Variants in KLK7 observed in about 807,000 individuals in gnomAD.
The protein encoded by KLK7 is kallikrein-7.
Under a neutral mutation model 21.0 loss-of-function variants are expected in KLK7, and 17 were observed. That is an observed-to-expected ratio of 0.81 (90% CI 0.55 to 1.21). KLK7 has a LOEUF of 1.21. Ranked by LOEUF, KLK7 falls within the 50% of genes most tolerant of loss-of-function variation. The probability of loss-of-function intolerance (pLI) is 0.00; values close to 1 mark genes in which losing one functional copy is unlikely to be tolerated. For synonymous variants in KLK7, 151 were observed against 134.6 expected (o/e 1.12, Z -0.85); for missense variants, 330 against 322.8 (o/e 1.02, Z -0.17).
At position 50,981,754 on chromosome 19, in the gene KLK7, G is replaced by C; in HGVS notation, c.221+13C>G. ...GCTGGTGCACCTCCAGCAGAGACTT[G>C]GGCGGCACCTACTTCATCTTGCAGT... On this transcript the variant is annotated intron_variant, in intron 3 of 5. Transcript: ENST00000595820. 1 of 1,558,340 alleles carries C rather than the reference G, an allele frequency of 6.4e-7. No individual in the cohort carries two copies. Among genetic ancestry groups the C allele is most frequent in the Non-Finnish European group, 8.7e-7 (1 of 1,150,960 alleles).
chr19:50,978,090 T>C (rs2091050185), intron 5 of KLK7, among the ~76,000 whole-genome samples: 1 of 152,196 alleles, frequency 6.6e-6, no homozygotes, highest in Non-Finnish European at 1.5e-5. Context: ...AGTTACATAA[T>C]TTACAGGACT....
chr19:50,981,943 G>A, intron 2 of KLK7, 29 bp from the exon 3 acceptor site: 4 of 1,609,582 alleles, frequency 2.5e-6, no homozygotes, highest in Non-Finnish European at 3.4e-6. Flanking sequence ...GAGCACGTGG[G>A]TAGCTAGCAT....
At chr19:50,981,693 A>G in intron 3 of KLK7, 74 bp downstream of exon 3, 3 of 1,390,528 alleles carry the variant, frequency 2.2e-6, no homozygotes, top group Non-Finnish European at 2.9e-6. Context: ...TAGGCACAGA[A>G]AGACTGCCCT....
rs373769129 is a variant in KLK7, at chr19:50,982,416, G to A, written c.-17C>T. On this transcript the variant is annotated 5_prime_UTR_variant, in exon 2 of 6. Transcript: ENST00000595820. ...TCTTGCCATGGTGCCCTGCTGAGCC[G>A]CTCAGGGGCTGCCAGGCGAGGAAGG... The A allele has an allele frequency of 1.7e-5, 27 of 1,599,402 alleles. No individual in the cohort carries two copies. The highest frequency in any genetic ancestry group is 1.7e-4 in the Middle Eastern group (1 of 6,014).
intron 3 of KLK7, among the ~76,000 whole-genome samples, 185 bp from the exon 4 acceptor site, chr19:50,980,672 C>T (rs1221408215): frequency 2.5e-5 from 2 of 78,768 alleles, no homozygotes; most frequent in Non-Finnish European, 4.8e-5. Flanking sequence ...GGGGACAGAG[C>T]CCCAGAGAGA....
At chr19:50,982,298 G>A (rs1402380889) in intron 2 of KLK7, 29 bp downstream of exon 2, 1 of 1,602,156 alleles carries the variant, frequency 6.2e-7, no homozygotes, top group Non-Finnish European at 8.5e-7. Context: ...GCCCTGAGGT[G>A]AGGTCAGACT....
chr19:50,977,683 TGAGTCACCCTAGAGGGAATAGAGCCG>T lies in KLK7; in HGVS notation c.607-18_614del, dbSNP rs1236358800. 3.1e-6 allele frequency: 5 copies of T among 1,612,816 alleles called. No homozygotes were observed. The South Asian group carries it at 5.5e-5, about 18-fold the overall frequency. ...TACCTCTGCACACCAACGGTCCCCC[TGAGTCACCCTAGAGGGAATAGAGCCG>T]GAGATTAACTTTGGCTTCAGATCAA... On this transcript the variant is annotated splice_acceptor_variant and splice_polypyrimidine_tract_variant and coding_sequence_variant and intron_variant, in exon 6 of 6. Coordinates refer to ENST00000595820, the MANE Select transcript of KLK7 (RefSeq NM_005046.4). LOFTEE classifies it high-confidence loss of function.
chr19:50,979,602 A>G (rs1418079985), intron 5 of KLK7, among the ~76,000 whole-genome samples, 186 bp downstream of exon 5: 2 of 152,096 alleles, frequency 1.3e-5, no homozygotes, highest in African/African-American at 4.8e-5. Flanking sequence ...CCAGGGCCAC[A>G]TTGGCCCCTA....
At chr19:50,981,975 C>A in intron 2 of KLK7, 61 bp from the exon 3 acceptor site, 1 of 1,540,778 alleles carries the variant, frequency 6.5e-7, no homozygotes, top group African/African-American at 1.4e-5. Flanking sequence ...TGAGGCTGCA[C>A]CTCAGGGATT....
Position 50,977,633 on chromosome 19 carries a change from C to A in KLK7, c.665G>T (p.Gly222Val). The change falls in exon 6 of 6, where the codon GGA (glycine) becomes GTA (valine). Residue 222 changes from glycine to valine, a missense_variant. Physicochemically the swap from Gly to Val is moderately radical, Grantham distance 109 (BLOSUM62 -3). Coordinates refer to ENST00000595820, the MANE Select transcript of KLK7 (RefSeq NM_005046.4). ...RGTLQGLVSW[G>V]TFPCGQPNDP... The stretch of plus-strand genomic sequence containing the variant: ...ATTGGGTTGGCCGCAAGGGAAAGTT[C>A]CCCAGGACACCAGACCTTGCAGGGT... The A allele has an allele frequency of 6.2e-7, 1 of 1,613,758 alleles. No homozygotes were observed. The highest frequency in any genetic ancestry group is 8.5e-7 in the Non-Finnish European group (1 of 1,179,992).
intron 3 of KLK7, 35 bp from the exon 4 acceptor site, chr19:50,980,522 C>A: frequency 6.2e-7 from 1 of 1,611,940 alleles, no homozygotes; most frequent in Non-Finnish European, 8.5e-7. Flanking sequence ...TCAGAAGAGA[C>A]ACTGTGACAG....
chr19:50,982,300 G>C (rs762657124), intron 2 of KLK7, 27 bp downstream of exon 2: 2 of 1,603,264 alleles, frequency 1.2e-6, no homozygotes, highest in Admixed American at 3.4e-5. Flanking sequence ...CCTGAGGTGA[G>C]GTCAGACTTC....
Position 50,980,255 on chromosome 19 carries a change from T to C in KLK7, c.454A>G (p.Thr152Ala). The C allele has an allele frequency of 6.2e-7, 1 of 1,613,752 alleles. No individual in the cohort carries two copies. Among genetic ancestry groups the C allele is most frequent in the Admixed American group, 1.7e-5 (1 of 59,990 alleles). ...GGCCACCTACCATCTGGGCTCGTGG[T>C]AGTGCCCCAGCCGGAGACAGTACAG... ...TTCTVSGWGT[T>A]TSPDVTFPSD... The change falls in exon 4 of 6, where the codon ACC (threonine) becomes GCC (alanine). Residue 152 changes from threonine (T) to alanine (A), a missense_variant. By Grantham distance (58) the Thr-to-Ala change is moderately conservative. Coordinates refer to ENST00000595820, the MANE Select transcript of KLK7 (RefSeq NM_005046.4).
Position 50,977,551 on chromosome 19 carries a change from C to G in KLK7, c.747G>C (p.Met249Ile). The G allele has an allele frequency of 6.2e-7, 1 of 1,613,888 alleles. No individual in the cohort carries two copies. Among genetic ancestry groups the G allele is most frequent in the Non-Finnish European group, 8.5e-7 (1 of 1,179,928 alleles). ...CKFTKWINDT[M>I]KKHR Reference sequence around the variant, plus strand: ...CAGTGTGGCGTTAGCGATGCTTTTTCATGGTGTCATTTATCCACTTGGTGA... The same window carrying G: ...CAGTGTGGCGTTAGCGATGCTTTTTGATGGTGTCATTTATCCACTTGGTGA... Residue 249 changes from methionine to isoleucine, a missense_variant, in exon 6 of 6, where the codon ATG (methionine) becomes ATC (isoleucine). By Grantham distance (10) the Met-to-Ile change is conservative. Transcript: ENST00000595820.
chr19:50,983,899 G>A lies in KLK7; in HGVS notation c.-107C>T, dbSNP rs1304431591. 4.7e-6 allele frequency: 6 copies of A among 1,289,106 alleles called. No homozygotes were observed. In the South Asian group the frequency reaches 4.9e-5, roughly 11 times the overall value. 79.9% of individuals were successfully genotyped at this position (1,289,106 alleles called of 1,614,324 possible). ...AAGTTCCGACTTGGGCTGGCACACA[G>A]CTGGGCTCCAAAATCTTCATCCCTC... On this transcript the variant is annotated 5_prime_UTR_variant, in exon 1 of 6. Transcript: ENST00000595820.
At position 50,982,360 on chromosome 19, in the gene KLK7, G is replaced by A. The variant is rs1468087762; in HGVS notation, c.40C>T (p.Leu14=). 6.2e-7 allele frequency: 1 copy of A among 1,611,100 alleles called. No homozygotes were observed. Residue 14 remains leucine, a synonymous_variant, in exon 2 of 6, where the codon CTA becomes TTA. Coordinates refer to ENST00000595820, the MANE Select transcript of KLK7 (RefSeq NM_005046.4). ...CCTGCAGTTTCCAAGGCTAAGGATAGCAGTAAGATCTGCAGGGGCAGGAGA... is the reference window on the plus strand; with the variant it reads ...CCTGCAGTTTCCAAGGCTAAGGATAACAGTAAGATCTGCAGGGGCAGGAGA... ...SLLLPLQILL[L]SLALETAGEE...
At chr19:50,981,649 A>G (rs1991821) in intron 3 of KLK7, 118 bp downstream of exon 3, 882,123 of 966,454 alleles carry the variant, frequency 0.91, 403,394 homozygotes, top group East Asian at 1. Context: ...CAGAGAGAGG[A>G]GGACAGAGAC....
At chr19:50,982,524 C>T (rs2091097792) in intron 1 of KLK7, 67 bp from the exon 2 acceptor site, 4 of 1,419,892 alleles carry the variant, frequency 2.8e-6, no homozygotes, top group Middle Eastern at 2.5e-4. Context: ...GGCCCCAGCC[C>T]CTCCCCCCAC....
chr19:50,977,531 T>A lies in KLK7; in HGVS notation c.*5A>T. 1 of 1,613,206 alleles carries A rather than the reference T, an allele frequency of 6.2e-7. No homozygotes were observed. ...AAGCACACAGTTAATTAACTCAGTG[T>A]GGCGTTAGCGATGCTTTTTCATGGT... is the stretch of plus-strand genomic sequence containing the variant. On this transcript the variant is annotated 3_prime_UTR_variant, in exon 6 of 6. Coordinates refer to ENST00000595820, the MANE Select transcript of KLK7 (RefSeq NM_005046.4).
Sources: allele counts gnomAD v4.1 joint callset (sites outside exome capture counted in the v4.1 genomes callset), GRCh38; gene constraint gnomAD v4.1.1; transcripts MANE v1.5; gene names NCBI Gene and HGNC (gene_info 2026-07-23, HGNC 2026-07-21).